The following BMPER variants were observed in gnomAD, a reference collection of about 807,000 sequenced individuals.
The protein encoded by BMPER is BMP-binding endothelial regulator protein.
BMPER carries 45 observed loss-of-function variants against 87.3 expected under a neutral mutation model. That is an observed-to-expected ratio of 0.52 (90% CI 0.41 to 0.66). BMPER has a LOEUF of 0.66. Ranked by LOEUF, BMPER falls within the 30% of genes least tolerant of loss-of-function variation. BMPER has a pLI of 0.00. For synonymous variants in BMPER, 326 were observed against 316.2 expected, an observed-to-expected ratio of 1.03 and a Z score of -0.33; for missense variants, 784 against 867.5, an observed-to-expected ratio of 0.90 and a Z score of 1.21.
chr7:34,052,696 T>C (rs969273696), intron 8 of BMPER, among the ~76,000 whole-genome samples: 1 of 152,224 alleles, frequency 6.6e-6, no homozygotes, highest in African/African-American at 2.4e-5. Context: ...TTGTTTTTAA[T>C]AGTTAAAGGT....
intron 6 of BMPER, 149 bp from the exon 7 acceptor site, chr7:34,046,157 G>C (rs1040499396): frequency 2.4e-5 from 18 of 754,640 alleles, no homozygotes; most frequent in Non-Finnish European, 4.1e-5. Flanking sequence ...AAGATCAAAG[G>C]ACGCTTGGGG....
At chr7:34,037,058 G>C (rs1787693316) in intron 6 of BMPER, among the ~76,000 whole-genome samples, 1 of 152,042 alleles carries the variant, frequency 6.6e-6, no homozygotes. Context: ...GAGTTTAGTG[G>C]CTGGGCAGTG....
At chr7:34,032,159 A>G (rs1463638558) in intron 6 of BMPER, among the ~76,000 whole-genome samples, 1 of 151,700 alleles carries the variant, frequency 6.6e-6, no homozygotes, top group Non-Finnish European at 1.5e-5. Context: ...AAATGAAAAA[A>G]TTGAAGCTTA....
intron 14 of BMPER, among the ~76,000 whole-genome samples, chr7:34,144,123 CT>C (rs780816059): frequency 2.0e-5 from 3 of 152,222 alleles, no homozygotes; most frequent in African/African-American, 2.4e-5. Context: ...GGAGGCTTCT[CT>C]ACAGATGATA....
chr7:34,045,814 A>T (rs1343713752), intron 6 of BMPER, among the ~76,000 whole-genome samples: 2 of 152,152 alleles, frequency 1.3e-5, no homozygotes, highest in Non-Finnish European at 2.9e-5. Flanking sequence ...ATGTCTACAG[A>T]ACCTATAGAA....
chr7:33,942,990 T>G (rs1784804669), intron 3 of BMPER, among the ~76,000 whole-genome samples: 1 of 152,206 alleles, frequency 6.6e-6, no homozygotes, highest in South Asian at 2.1e-4. Context: ...CTCCCATGAT[T>G]TGTTGAAACT....
At chr7:34,052,905 G>A (rs1332746384) in intron 8 of BMPER, among the ~76,000 whole-genome samples, 1 of 152,160 alleles carries the variant, frequency 6.6e-6, no homozygotes, top group Non-Finnish European at 1.5e-5. Context: ...CTTTACCGAA[G>A]CTTTTTCCTC....
rs115600422 is a variant in BMPER, at chr7:34,130,662, T to G, written c.1746-12568T>G. Among the ~76,000 whole-genome samples, 734 of 152,310 alleles carry G rather than the reference T, an allele frequency of 4.8e-3. 6 individuals are homozygous for G. Among genetic ancestry groups the G allele is most frequent in the African/African-American group, 0.016 (655 of 41,576 alleles). ...CAGCCCTGGGGCATGGTGGAGTAGA[T>G]GGAGTGAGGGATCGCTCCCATGGGG... On this transcript the variant is annotated intron_variant, in intron 13 of 14. Transcript: ENST00000649409.
chr7:34,132,216 A>G (rs1195135751), intron 13 of BMPER, among the ~76,000 whole-genome samples: 1 of 152,168 alleles, frequency 6.6e-6, no homozygotes, highest in African/African-American at 2.4e-5. Flanking sequence ...ACATTGAAGA[A>G]GGCATTTGCT....
At chr7:34,016,731 C>T (rs1259401705) in intron 6 of BMPER, among the ~76,000 whole-genome samples, 3 of 151,900 alleles carry the variant, frequency 2.0e-5, no homozygotes, top group African/African-American at 4.8e-5. Context: ...ATTTGAGTAA[C>T]GCCCTCATAG....
chr7:33,930,848 G>A (rs1253400163), intron 2 of BMPER, among the ~76,000 whole-genome samples: 2 of 152,204 alleles, frequency 1.3e-5, no homozygotes, highest in African/African-American at 4.8e-5. Flanking sequence ...TACTTCTGGA[G>A]GCTGAGATGG....
At chr7:34,137,932 A>G (rs1211695733) in intron 13 of BMPER, among the ~76,000 whole-genome samples, 1 of 152,118 alleles carries the variant, frequency 6.6e-6, no homozygotes, top group Non-Finnish European at 1.5e-5. Flanking sequence ...ATACCTATAA[A>G]TCCCTCTAGG....
At chr7:34,070,304 A>G (rs1238224705) in intron 11 of BMPER, among the ~76,000 whole-genome samples, 7 of 152,098 alleles carry the variant, frequency 4.6e-5, no homozygotes, top group Non-Finnish European at 7.4e-5. Context: ...TGTTGACTGA[A>G]TTCTGGCACC....
At chr7:33,942,856 C>T (rs73110377) in intron 3 of BMPER, among the ~76,000 whole-genome samples, 40,351 of 151,944 alleles carry the variant, frequency 0.27, 5,751 homozygotes, top group Non-Finnish European at 0.33. Context: ...CAGATAATGA[C>T]CAAGGAAACA....
In BMPER at chr7:34,038,818, A is replaced by G. The variant is rs116533209; in HGVS notation, c.577-7488A>G. ...ATGTTCTTGAATATCTATGTATAGA[A>G]TCAGAGTTGAGTTTTATTTCATCAC... On this transcript the variant is annotated intron_variant, in intron 6 of 14. Transcript: ENST00000649409. 8.8e-3 allele frequency among the ~76,000 whole-genome samples: 1,347 copies of G among 152,326 alleles called. 20 individuals carry two copies. The highest frequency in any genetic ancestry group is 0.031 in the African/African-American group (1,276 of 41,572).
intron 3 of BMPER, 116 bp downstream of exon 3, chr7:33,937,504 G>A (rs2128609348): frequency 2.0e-6 from 2 of 985,778 alleles, no homozygotes; most frequent in Non-Finnish European, 3.2e-6. Flanking sequence ...GGGTGGGGAG[G>A]AGAAGTAGGG....
At chr7:34,121,847 T>G (rs1306581606) in intron 13 of BMPER, among the ~76,000 whole-genome samples, 2 of 152,102 alleles carry the variant, frequency 1.3e-5, no homozygotes. Flanking sequence ...AAAGGCCAGG[T>G]GTGGTGGCTC....
At chr7:34,142,946 A>C (rs1211434493) in intron 13 of BMPER, among the ~76,000 whole-genome samples, 1 of 152,208 alleles carries the variant, frequency 6.6e-6, no homozygotes, top group Non-Finnish European at 1.5e-5. Flanking sequence ...CCAAATATGG[A>C]GAGTGGCTTT....
chr7:34,094,490 C>A (rs1585827620), intron 13 of BMPER, among the ~76,000 whole-genome samples: 1 of 152,218 alleles, frequency 6.6e-6, no homozygotes, highest in Non-Finnish European at 1.5e-5. Flanking sequence ...GGCAGGGGAG[C>A]AGCAGGTCCC....
Sources: gnomAD v4.1 joint callset for allele counts (sites outside exome capture counted in the v4.1 genomes callset) on GRCh38, gnomAD v4.1.1 for gene constraint, MANE v1.5 for transcripts, NCBI Gene and HGNC (gene_info 2026-07-23, HGNC 2026-07-21) for gene names.